The following PTPN6 variants were observed in gnomAD, a reference collection of about 807,000 sequenced individuals.
PTPN6 encodes tyrosine-protein phosphatase non-receptor type 6.
Under a neutral mutation model 81.5 loss-of-function variants are expected in PTPN6, and 18 were observed. The ratio of observed to expected loss-of-function variants is 0.22; its 90% CI spans 0.15 to 0.33. The LOEUF is 0.33. Among genes scored for constraint, PTPN6 ranks in the 10% least tolerant of loss-of-function variants. The pLI is 1.00. For missense variants in PTPN6, 500 were observed against 794.2 expected (o/e 0.63, Z 4.45); for synonymous variants, 301 against 310.9 (o/e 0.97, Z 0.33).
At chr12:6,958,170 C>A (rs1156816397) in intron 11 of PTPN6, 97 bp downstream of exon 11, 11 of 1,493,738 alleles carry the variant, frequency 7.4e-6, no homozygotes, top group Non-Finnish European at 9.1e-6. Context: ...TTAGCTCGCA[C>A]ATTGAGTGCC....
rs1555147881 is a variant in PTPN6, at chr12:6,952,123, G to A, written c.272G>A (p.Gly91Asp). Residue 91 changes from glycine (G) to aspartate (D), a missense_variant, in exon 3 of 16, where the codon GGC becomes GAC. Transcript: ENST00000318974. This position sits in a 1 kb window ranked among gnomAD's most constrained non-coding sequence, Gnocchi z 8.1. ...CAGGGTGTCCTGCAGGACCGCGACGGCACCATCATCCACCTCAAGTACCCG... is the reference window on the plus strand; with the variant it reads ...CAGGGTGTCCTGCAGGACCGCGACGACACCATCATCCACCTCAAGTACCCG... ...QQQGVLQDRD[G>D]TIIHLKYPLN... The A allele has an allele frequency of 6.2e-7, 1 of 1,614,004 alleles. No individual in the cohort carries two copies. Among genetic ancestry groups the A allele is most frequent in the Non-Finnish European group, 8.5e-7 (1 of 1,180,026 alleles).
upstream of PTPN6, among the ~76,000 whole-genome samples, chr12:6,948,448 AAAG>A (rs1455186939): frequency 4.6e-5 from 7 of 151,280 alleles, no homozygotes; most frequent in South Asian, 2.1e-4. Flanking sequence ...AAAAAAAAAA[AAAG>A]AGAGGGAAGG....
chr12:6,957,889 G>T lies in PTPN6; in HGVS notation c.1207-30G>T. On this transcript the variant is annotated intron_variant, in intron 10 of 15. Coordinates refer to ENST00000318974, the MANE Select transcript of PTPN6 (RefSeq NM_002831.6). The surrounding 1 kb of genome is among the most constrained non-coding windows in gnomAD (Gnocchi z 6.5). ...ATGGATGAGGTGTTCCGAGAGAGGAGGGGGCACTGACCCTATGTCCTCGGC... is the reference window on the plus strand; with the variant it reads ...ATGGATGAGGTGTTCCGAGAGAGGATGGGGCACTGACCCTATGTCCTCGGC... 6.2e-7 allele frequency: 1 copy of T among 1,614,018 alleles called. No individual in the cohort carries two copies. Among genetic ancestry groups the T allele is most frequent in the East Asian group, 2.2e-5 (1 of 44,878 alleles).
chr12:6,947,474 A>T (rs1555146998), upstream of PTPN6, among the ~76,000 whole-genome samples: 2 of 152,060 alleles, frequency 1.3e-5, no homozygotes, highest in Non-Finnish European at 2.9e-5. Context: ...GTTTGAGACC[A>T]GCCTGGCCAA....
At chr12:6,958,534 C>T (rs782534919) in intron 11 of PTPN6, among the ~76,000 whole-genome samples, 9 of 152,278 alleles carry the variant, frequency 5.9e-5, no homozygotes, top group African/African-American at 9.6e-5. Context: ...CGCAGGGCTT[C>T]GGCTTCTTCC....
At position 6,960,283 on chromosome 12, in the gene PTPN6, A is replaced by T; in HGVS notation, c.1581+44A>T. Reference sequence around the variant, plus strand: ...CTGGGGGGGGGGGGGGCTGCAGTGCAGGATGGGTGCCACCTGGCCCTGCTG... The same window carrying T: ...CTGGGGGGGGGGGGGGCTGCAGTGCTGGATGGGTGCCACCTGGCCCTGCTG... On this transcript the variant is annotated intron_variant, in intron 13 of 15. Coordinates refer to ENST00000318974, the MANE Select transcript of PTPN6 (RefSeq NM_002831.6). This position sits in a 1 kb window ranked among gnomAD's most constrained non-coding sequence, Gnocchi z 6.1. 1 of 1,606,022 alleles carries T rather than the reference A, an allele frequency of 6.2e-7. No homozygotes were observed. The highest frequency in any genetic ancestry group is 8.5e-7 in the Non-Finnish European group (1 of 1,177,578).
chr12:6,946,846 G>A (rs1591678995), upstream of PTPN6: 1 of 1,246,698 alleles, frequency 8.0e-7, no homozygotes, highest in Non-Finnish European at 1.2e-6. Flanking sequence ...GCGATCTGCC[G>A]CTGCCCTGCG....
At position 6,955,169 on chromosome 12, in the gene PTPN6, G is replaced by A; in HGVS notation, c.535G>A (p.Gly179Ser). The change falls in exon 5 of 16, where the codon GGT becomes AGT. Residue 179 changes from glycine (G) to serine (S), a missense_variant. Physicochemically the swap from Gly to Ser is moderately conservative, Grantham distance 56. This residue lies in a region of PTPN6 where 96 missense variants were observed against 137.3 expected (regional missense o/e 0.70). Coordinates refer to ENST00000318974, the MANE Select transcript of PTPN6 (RefSeq NM_002831.6). The surrounding 1 kb of genome is among the most constrained non-coding windows in gnomAD (Gnocchi z 7.2). The stretch of plus-strand genomic sequence containing the variant: ...CCCCCAGGGTGGACGCTACACAGTG[G>A]GTGGTTTGGAGACCTTCGACAGCCT... ...VMCEGGRYTV[G>S]GLETFDSLTD... 1.2e-6 allele frequency: 2 copies of A among 1,614,182 alleles called. No individual in the cohort carries two copies. The highest frequency in any genetic ancestry group is 2.2e-5 in the East Asian group (1 of 44,884).
Position 6,952,335 on chromosome 12 carries a change from G to C in PTPN6, c.326+158G>C, listed in dbSNP as rs1945941476. ...GCTCTCAATGTCCCTCCTCCCTGCTGTCCTGGGACCTGGTGTCTCAGAGCC... is the reference window on the plus strand; with the variant it reads ...GCTCTCAATGTCCCTCCTCCCTGCTCTCCTGGGACCTGGTGTCTCAGAGCC... On this transcript the variant is annotated intron_variant, in intron 3 of 15. Transcript: ENST00000318974. This position sits in a 1 kb window ranked among gnomAD's most constrained non-coding sequence, Gnocchi z 8.1. The C allele has an allele frequency of 6.0e-6, 5 of 837,248 alleles. No individual in the cohort carries two copies. The highest frequency in any genetic ancestry group is 3.4e-5 in the African/African-American group (2 of 59,354). 51.9% of individuals were successfully genotyped at this position (837,248 alleles called of 1,614,324 possible). A position where few individuals can be genotyped will look rare whatever the true frequency, so the allele number is the denominator to read the frequency against.
At position 6,952,389 on chromosome 12, in the gene PTPN6, G is replaced by A. The variant is rs1945942349; in HGVS notation, c.326+212G>A. The A allele has an allele frequency of 1.3e-5, 8 of 631,752 alleles. No individual in the cohort carries two copies. Among genetic ancestry groups the A allele is most frequent in the South Asian group, 7.7e-5 (4 of 51,752 alleles). The allele number at this position is 631,752 out of a possible 1,614,324, so 39.1% of individuals were successfully genotyped here. A position where few individuals can be genotyped will look rare whatever the true frequency, so the allele number is the denominator to read the frequency against. On this transcript the variant is annotated intron_variant, in intron 3 of 15. Coordinates refer to ENST00000318974, the MANE Select transcript of PTPN6 (RefSeq NM_002831.6). This position sits in a 1 kb window ranked among gnomAD's most constrained non-coding sequence, Gnocchi z 8.1. The stretch of plus-strand genomic sequence containing the variant: ...CCTACCACCCTTTCCACCTAACCCC[G>A]AGGAAGCCACAGAAAGCTGCCTCGC...
chr12:6,955,777 A>G lies in PTPN6; in HGVS notation c.844+21A>G, dbSNP rs1238335084. ...CCCCTGTGAGCACCCAGGCTGCCCC[A>G]TTCACCCAGGATACCGCCCCTGCCC... On this transcript the variant is annotated intron_variant, in intron 7 of 15. Coordinates refer to ENST00000318974, the MANE Select transcript of PTPN6 (RefSeq NM_002831.6). The surrounding 1 kb of genome is among the most constrained non-coding windows in gnomAD (Gnocchi z 7.2). 5 of 1,608,040 alleles carry G rather than the reference A, an allele frequency of 3.1e-6. No individual in the cohort carries two copies. The highest frequency in any genetic ancestry group is 4.3e-6 in the Non-Finnish European group (5 of 1,175,060).
At position 6,954,475 on chromosome 12, in the gene PTPN6, A is replaced by G. The variant is rs1311498234; in HGVS notation, c.327-330A>G. The stretch of plus-strand genomic sequence containing the variant: ...GAGGCTAGGATGGCTTGAACCTGGG[A>G]GGTCGAGGCTGCAGAGAGCTGTAAC... On this transcript the variant is annotated intron_variant, in intron 3 of 15. Transcript: ENST00000318974. This position sits in a 1 kb window ranked among gnomAD's most constrained non-coding sequence, Gnocchi z 5.4. Among the ~76,000 whole-genome samples, 3 of 152,158 alleles carry G rather than the reference A, an allele frequency of 2.0e-5. No individual in the cohort carries two copies. Among genetic ancestry groups the G allele is most frequent in the African/African-American group, 7.2e-5 (3 of 41,420 alleles).
In PTPN6 at chr12:6,955,550, C is replaced by G; in HGVS notation, c.747+65C>G. 6.4e-7 allele frequency: 1 copy of G among 1,570,392 alleles called. No individual in the cohort carries two copies. On this transcript the variant is annotated intron_variant, in intron 6 of 15. Transcript: ENST00000318974. The surrounding 1 kb of genome is among the most constrained non-coding windows in gnomAD (Gnocchi z 7.2). Reference sequence around the variant, plus strand: ...GGTGGCAGCGGCCTGGGGCCCCAGGCGGACACCTTCCCCTCCTTGCCCACC... The same window carrying G: ...GGTGGCAGCGGCCTGGGGCCCCAGGGGGACACCTTCCCCTCCTTGCCCACC...
Position 6,959,875 on chromosome 12 carries a change from C to G in PTPN6, c.1362-52C>G. 2 of 1,598,842 alleles carry G rather than the reference C, an allele frequency of 1.3e-6. No individual in the cohort carries two copies. The highest frequency in any genetic ancestry group is 8.5e-7 in the Non-Finnish European group (1 of 1,169,656). On this transcript the variant is annotated intron_variant, in intron 11 of 15. Coordinates refer to ENST00000318974, the MANE Select transcript of PTPN6 (RefSeq NM_002831.6). The surrounding 1 kb of genome is among the most constrained non-coding windows in gnomAD (Gnocchi z 6.6). The stretch of plus-strand genomic sequence containing the variant: ...CTGGAGCTGAGCGCTGGGTACCCCC[C>G]TTCCCGGGGAGGGCTTGACTGGCCT...
In PTPN6 at chr12:6,961,167, C is replaced by T. The variant is rs967516209; in HGVS notation, c.*67C>T. On this transcript the variant is annotated 3_prime_UTR_variant, in exon 16 of 16. Coordinates refer to ENST00000318974, the MANE Select transcript of PTPN6 (RefSeq NM_002831.6). ...GTGGAAGCATTTCGCGATGGACAGA[C>T]TCACAACCTGAACCTAGGAGTGCCC... 1 of 640,648 alleles carries T rather than the reference C, an allele frequency of 1.6e-6. No individual in the cohort carries two copies. Among genetic ancestry groups the T allele is most frequent in the African/African-American group, 1.8e-5 (1 of 54,710 alleles). 39.7% of individuals were successfully genotyped at this position (640,648 alleles called of 1,614,324 possible). A position where few individuals can be genotyped will look rare whatever the true frequency, so the allele number is the denominator to read the frequency against.
At chr12:6,948,633 G>A (rs782072920), upstream of PTPN6, among the ~76,000 whole-genome samples, 2 of 151,798 alleles carry the variant, frequency 1.3e-5, no homozygotes, top group South Asian at 2.1e-4. Flanking sequence ...ACAACCGGTC[G>A]AAAGAAAAAA....
Position 6,960,015 on chromosome 12 carries a change from TGGGGGTGG to T in PTPN6, c.1429+26_1429+33del, listed in dbSNP as rs1591693090. 1.5e-6 allele frequency: 2 copies of T among 1,365,516 alleles called. No individual in the cohort carries two copies. Among genetic ancestry groups the T allele is most frequent in the Non-Finnish European group, 2.0e-6 (2 of 988,742 alleles). 84.6% of individuals were successfully genotyped at this position (1,365,516 alleles called of 1,614,324 possible). A position where few individuals can be genotyped will look rare whatever the true frequency, so the allele number is the denominator to read the frequency against. The stretch of plus-strand genomic sequence containing the variant: ...CAAGGGTGAGGGGCACCTGGGGGTT[TGGGGGTGG>T]GGGGTGAGCAGCCCCTCGGTGTCCG... On this transcript the variant is annotated intron_variant, in intron 12 of 15. Transcript: ENST00000318974. This position sits in a 1 kb window ranked among gnomAD's most constrained non-coding sequence, Gnocchi z 6.1.
At chr12:6,947,377 TAGAC>T (rs1366305590), upstream of PTPN6, among the ~76,000 whole-genome samples, 1 of 151,980 alleles carries the variant, frequency 6.6e-6, no homozygotes, top group Non-Finnish European at 1.5e-5. Context: ...ACGCAGAAAA[TAGAC>T]AGCCTTGGCC....
Position 6,955,301 on chromosome 12 carries a change from C to T in PTPN6, c.633+34C>T, listed in dbSNP as rs782041297. 1.2e-6 allele frequency: 2 copies of T among 1,611,818 alleles called. No individual in the cohort carries two copies. The highest frequency in any genetic ancestry group is 2.2e-5 in the South Asian group (2 of 91,024). On this transcript the variant is annotated intron_variant, in intron 5 of 15. Coordinates refer to ENST00000318974, the MANE Select transcript of PTPN6 (RefSeq NM_002831.6). The surrounding 1 kb of genome is among the most constrained non-coding windows in gnomAD (Gnocchi z 7.2). ...TGGGCCCAGCTGCCTCCCCACTTCC[C>T]CTGAGCTGTCCCCCAGATGTGAGCT...
Sources: gnomAD v4.1 joint callset for allele counts (sites outside exome capture counted in the v4.1 genomes callset) on GRCh38, gnomAD v4.1.1 for gene constraint, gnomAD v4.1.1 regional missense constraint, Gnocchi (gnomAD v3.1) non-coding constraint, MANE v1.5 for transcripts, NCBI Gene and HGNC (gene_info 2026-07-23, HGNC 2026-07-21) for gene names.